CNTN5: variants seen among roughly 807,000 people sequenced by gnomAD.
CNTN5 encodes contactin 5, also known as contactin-5.
A neutral mutation model predicts 129.1 loss-of-function variants in CNTN5; 77 were observed. The ratio of observed to expected loss-of-function variants is 0.60; its 90% CI spans 0.50 to 0.72. The LOEUF (loss-of-function observed/expected upper bound fraction) is 0.72. Ranked by LOEUF, CNTN5 falls within the 30% of genes least tolerant of loss-of-function variation. The probability of loss-of-function intolerance (pLI) is 0.00; values close to 1 mark genes in which losing one functional copy is unlikely to be tolerated. For missense variants in CNTN5, 1,478 were observed against 1,328.8 expected, an observed-to-expected ratio of 1.11 and a Z score of -1.75; for synonymous variants, 509 against 465.6, an observed-to-expected ratio of 1.09 and a Z score of -1.20.
intron 1 of CNTN5, among the ~76,000 whole-genome samples, chr11:99,083,989 CA>C (rs899537011): frequency 3.9e-5 from 6 of 151,924 alleles, no homozygotes; most frequent in East Asian, 1.9e-4. Flanking sequence ...ATTCCTTGTT[CA>C]AAAAAATGTG....
At chr11:99,644,308 G>T (rs2135853989) in intron 3 of CNTN5, among the ~76,000 whole-genome samples, 1 of 152,270 alleles carries the variant, frequency 6.6e-6, no homozygotes, top group South Asian at 2.1e-4. Flanking sequence ...AAGGAAAACT[G>T]CTACCTCACA....
chr11:99,745,434 G>T (rs1287188135), intron 3 of CNTN5, among the ~76,000 whole-genome samples: 4 of 152,150 alleles, frequency 2.6e-5, no homozygotes, highest in Non-Finnish European at 5.9e-5. Flanking sequence ...GGTTTTATAA[G>T]TTAAAACTGG....
intron 3 of CNTN5, among the ~76,000 whole-genome samples, chr11:99,813,782 A>G (rs2135528927): frequency 6.6e-6 from 1 of 152,284 alleles, no homozygotes; most frequent in South Asian, 2.1e-4. Flanking sequence ...ATTCAAAGGA[A>G]AAAGAAATAA....
At chr11:99,225,679 G>A (rs914538416) in intron 1 of CNTN5, among the ~76,000 whole-genome samples, 5 of 152,052 alleles carry the variant, frequency 3.3e-5, no homozygotes, top group African/African-American at 1.2e-4. Flanking sequence ...TTCTGATGAA[G>A]CTATAGTTAC....
chr11:100,077,805 C>T (rs1944193549), intron 13 of CNTN5, among the ~76,000 whole-genome samples: 1 of 151,818 alleles, frequency 6.6e-6, no homozygotes, highest in Non-Finnish European at 1.5e-5. Flanking sequence ...CCACTGAGCT[C>T]CAGCCTGGAT....
intron 16 of CNTN5, among the ~76,000 whole-genome samples, chr11:100,240,726 T>C (rs1242175733): frequency 6.6e-6 from 1 of 152,230 alleles, no homozygotes; most frequent in African/African-American, 2.4e-5. Context: ...AAATTTATAC[T>C]GCAGAAGAAG....
intron 1 of CNTN5, among the ~76,000 whole-genome samples, chr11:99,257,849 C>T (rs1181686858): frequency 6.6e-6 from 1 of 151,944 alleles, no homozygotes. Context: ...CTGTATTGTT[C>T]TAATGTTTAC....
In CNTN5 at chr11:99,029,731, G is replaced by T. The variant is rs73550161; in HGVS notation, c.-210+8461G>T. On this transcript the variant is annotated intron_variant, in intron 1 of 24. Coordinates refer to ENST00000524871, the MANE Select transcript of CNTN5 (RefSeq NM_014361.4). ...GATTCTAAGATAAACTGAAAAAATT[G>T]GGATTTTGTTCCAAAGCAAGAGAAT... Among the ~76,000 whole-genome samples, 1,496 of 152,160 alleles carry T rather than the reference G, an allele frequency of 9.8e-3. 23 individuals carry two copies. Among genetic ancestry groups the T allele is most frequent in the African/African-American group, 0.034 (1,412 of 41,544 alleles).
intron 1 of CNTN5, among the ~76,000 whole-genome samples, chr11:99,063,890 G>A (rs1158137008): frequency 6.6e-6 from 1 of 152,070 alleles, no homozygotes; most frequent in Non-Finnish European, 1.5e-5. Flanking sequence ...ATTACAATTT[G>A]TGTACACATG....
intron 9 of CNTN5, among the ~76,000 whole-genome samples, chr11:100,020,469 A>G (rs76980510): frequency 7.2e-5 from 11 of 152,088 alleles, no homozygotes; most frequent in South Asian, 2.1e-4. Flanking sequence ...TTGATTCTCA[A>G]TTCTCTTCCA....
At position 100,061,208 on chromosome 11, in the gene CNTN5, G is replaced by T. The variant is rs374384868; in HGVS notation, c.981-4G>T. ...ATTAACAGTATTTTTGTTCCCTATC[G>T]TAGCCCCGTTCCAACAATCACATGG... On this transcript the variant is annotated splice_polypyrimidine_tract_variant and splice_region_variant and intron_variant, in intron 9 of 24. Transcript: ENST00000524871. The T allele has an allele frequency of 6.2e-7, 1 of 1,602,956 alleles. No homozygotes were observed. The highest frequency in any genetic ancestry group is 1.3e-5 in the African/African-American group (1 of 74,684).
chr11:99,196,994 G>A (rs915548199), intron 1 of CNTN5, among the ~76,000 whole-genome samples: 7 of 151,794 alleles, frequency 4.6e-5, no homozygotes, highest in African/African-American at 1.7e-4. Context: ...AACATCATGG[G>A]AATCATGAGG....
chr11:99,302,730 G>A (rs1035546774), intron 1 of CNTN5, among the ~76,000 whole-genome samples: 1 of 151,560 alleles, frequency 6.6e-6, no homozygotes, highest in Non-Finnish European at 1.5e-5. Flanking sequence ...TGCTTTAAAT[G>A]GGTGAATATT....
chr11:99,942,318 A>ATG (rs2136115691), intron 7 of CNTN5, among the ~76,000 whole-genome samples: 1 of 152,084 alleles, frequency 6.6e-6, no homozygotes, highest in Non-Finnish European at 1.5e-5. Flanking sequence ...TGTTGTGTGG[A>ATG]TGATGGAAAG....
intron 3 of CNTN5, among the ~76,000 whole-genome samples, chr11:99,577,556 C>T (rs2851607): frequency 0.97 from 148,026 of 152,234 alleles, 72,103 homozygotes; most frequent in East Asian, 1. Context: ...TGTAGGATGT[C>T]ATGATTTTCA....
intron 13 of CNTN5, among the ~76,000 whole-genome samples, chr11:100,092,832 T>C (rs1450290191): frequency 2.6e-5 from 4 of 151,894 alleles, no homozygotes; most frequent in Non-Finnish European, 4.4e-5. Flanking sequence ...TTTAAAGCGG[T>C]GATTTCCAAC....
Position 100,211,427 on chromosome 11 carries a change from T to C in CNTN5, c.1885-13265T>C, listed in dbSNP as rs78166779. ...AATGAAGACCAACGGAATTGAGCTATAGATTGTAGCAGACAACCACAGTGC... is the reference window on the plus strand; with the variant it reads ...AATGAAGACCAACGGAATTGAGCTACAGATTGTAGCAGACAACCACAGTGC... On this transcript the variant is annotated intron_variant, in intron 15 of 24. Transcript: ENST00000524871. Among the ~76,000 whole-genome samples, 838 of 151,966 alleles carry C rather than the reference T, an allele frequency of 5.5e-3. 7 individuals carry two copies. Among genetic ancestry groups the C allele is most frequent in the African/African-American group, 0.019 (773 of 41,430 alleles).
intron 8 of CNTN5, among the ~76,000 whole-genome samples, chr11:99,996,465 C>G (rs570781420): frequency 6.6e-6 from 1 of 152,276 alleles, no homozygotes; most frequent in Non-Finnish European, 1.5e-5. Flanking sequence ...CCAGATTTAT[C>G]TAATATCACT....
chr11:99,584,240 CA>C (rs1225492145), intron 3 of CNTN5, among the ~76,000 whole-genome samples: 1 of 152,302 alleles, frequency 6.6e-6, no homozygotes, highest in African/African-American at 2.4e-5. Context: ...CGGGACATAA[CA>C]CTCAGAGTAT....
Sources: allele counts gnomAD v4.1 joint callset (sites outside exome capture counted in the v4.1 genomes callset), GRCh38; gene constraint gnomAD v4.1.1; transcripts MANE v1.5; gene names NCBI Gene and HGNC (gene_info 2026-07-23, HGNC 2026-07-21).